Variants in ATP10D observed in about 807,000 individuals in gnomAD.
ATP10D encodes ATPase phospholipid transporting 10D (putative), also known as phospholipid-transporting ATPase VD.
ATP10D carries 89 observed loss-of-function variants against 144.8 expected under a neutral mutation model. The ratio of observed to expected loss-of-function variants is 0.61; its 90% CI spans 0.52 to 0.73. ATP10D has a LOEUF of 0.73. Ranked by LOEUF, ATP10D falls within the 30% of genes least tolerant of loss-of-function variation. The pLI is 0.00. For synonymous variants in ATP10D, 571 were observed against 615.1 expected (o/e 0.93, Z 1.06); for missense variants, 1,603 against 1,714.8 (o/e 0.93, Z 1.15).
Position 47,581,842 on chromosome 4 carries a change from C to T in ATP10D, c.3649-118C>T. ...AAATGTTCAAGTTTATTTCATATGGCCAGTTCACAGGGACCTTGTAGAAGG... is the reference window on the plus strand; with the variant it reads ...AAATGTTCAAGTTTATTTCATATGGTCAGTTCACAGGGACCTTGTAGAAGG... On this transcript the variant is annotated intron_variant, in intron 20 of 22. Coordinates refer to ENST00000273859, the MANE Select transcript of ATP10D (RefSeq NM_020453.4). The T allele has an allele frequency of 4.1e-6, 3 of 731,642 alleles. No homozygotes were observed. The South Asian group carries it at 5.2e-5, about 13-fold the overall frequency. The allele number at this position is 731,642 out of a possible 1,614,324, so 45.3% of individuals were successfully genotyped here. A position where few individuals can be genotyped will look rare whatever the true frequency, so the allele number is the denominator to read the frequency against.
chr4:47,490,477 C>T (rs1230037253), intron 1 of ATP10D, among the ~76,000 whole-genome samples: 1 of 152,192 alleles, frequency 6.6e-6, no homozygotes, highest in East Asian at 1.9e-4. Context: ...GCTTTCTGCT[C>T]CCAGATTGTC....
chr4:47,578,098 G>GT, intron 19 of ATP10D, among the ~76,000 whole-genome samples: 1 of 152,304 alleles, frequency 6.6e-6, no homozygotes, highest in African/African-American at 2.4e-5. Context: ...TGTACACGCT[G>GT]TTCTAGTGAG....
chr4:47,489,427 G>C (rs1483158555), intron 1 of ATP10D, among the ~76,000 whole-genome samples: 1 of 151,986 alleles, frequency 6.6e-6, no homozygotes, highest in East Asian at 1.9e-4. Flanking sequence ...CCAATTTATT[G>C]GTGGGGAATA....
intron 5 of ATP10D, among the ~76,000 whole-genome samples, chr4:47,534,831 A>G (rs1409565650): frequency 2.0e-5 from 3 of 152,162 alleles, no homozygotes; most frequent in East Asian, 3.8e-4. Context: ...CATTGAAAAT[A>G]ATGATAGTTG....
chr4:47,537,432 A>G (rs1281325144), intron 9 of ATP10D, among the ~76,000 whole-genome samples: 1 of 152,168 alleles, frequency 6.6e-6, no homozygotes, highest in Non-Finnish European at 1.5e-5. Flanking sequence ...TTCTTTAAAG[A>G]GTTGAACTTT....
At chr4:47,495,099 A>G (rs901876219) in intron 1 of ATP10D, among the ~76,000 whole-genome samples, 4 of 152,228 alleles carry the variant, frequency 2.6e-5, no homozygotes, top group Non-Finnish European at 4.4e-5. Flanking sequence ...GCTTCTTTGC[A>G]GGAACACACA....
At chr4:47,497,274 G>A (rs897151906) in intron 1 of ATP10D, among the ~76,000 whole-genome samples, 1 of 152,002 alleles carries the variant, frequency 6.6e-6, no homozygotes, top group African/African-American at 2.4e-5. Context: ...TGACCAACGT[G>A]GAGAAATCCC....
At chr4:47,508,810 A>G (rs529698693) in intron 1 of ATP10D, among the ~76,000 whole-genome samples, 1 of 152,364 alleles carries the variant, frequency 6.6e-6, no homozygotes, top group South Asian at 2.1e-4. Context: ...AAACAAAACC[A>G]TGTGCTTGCC....
chr4:47,513,751 C>T (rs140258496), intron 2 of ATP10D, among the ~76,000 whole-genome samples: 25 of 152,270 alleles, frequency 1.6e-4, no homozygotes, highest in Non-Finnish European at 2.9e-4. Context: ...GTCTTGCTAT[C>T]AGGATAAAGA....
chr4:47,515,778 T>G lies in ATP10D; in HGVS notation c.485+108T>G, dbSNP rs1025755917. On this transcript the variant is annotated intron_variant, in intron 3 of 22. Coordinates refer to ENST00000273859, the MANE Select transcript of ATP10D (RefSeq NM_020453.4). Reference sequence around the variant, plus strand: ...TGACCAGGACCCTTTTGTGGTGGTGTTGGTGTTGTTGCTATTGTTTTCAAC... The same window carrying G: ...TGACCAGGACCCTTTTGTGGTGGTGGTGGTGTTGTTGCTATTGTTTTCAAC... 1.6e-5 allele frequency: 13 copies of G among 813,212 alleles called. No homozygotes were observed. The East Asian group carries it at 3.2e-4, about 20-fold the overall frequency. 50.4% of individuals were successfully genotyped at this position (813,212 alleles called of 1,614,324 possible).
chr4:47,572,625 A>T (rs943138931), intron 17 of ATP10D, among the ~76,000 whole-genome samples: 3 of 139,552 alleles, frequency 2.1e-5, no homozygotes, highest in African/African-American at 8.2e-5. Flanking sequence ...AGGAAGTGGG[A>T]GTGTCCTATT....
intron 1 of ATP10D, among the ~76,000 whole-genome samples, chr4:47,507,043 A>G (rs1344062309): frequency 2.6e-5 from 4 of 152,224 alleles, no homozygotes; most frequent in African/African-American, 9.6e-5. Context: ...TTAAATGAAG[A>G]GCAGACTTAC....
rs533088151 is a variant in ATP10D at position 47,565,035 on chromosome 4, T to C, written c.2853+1270T>C. Among the ~76,000 whole-genome samples the C allele has an allele frequency of 3.9e-5, 6 of 152,376 alleles. No individual in the cohort carries two copies. In the East Asian group the frequency reaches 9.6e-4, roughly 25 times the overall value. Reference sequence around the variant, plus strand: ...GCGCTATGGCGCGATCTCGGCTCACTGCAAGCTCCGCCTCCCGGGTTCACG... The same window carrying C: ...GCGCTATGGCGCGATCTCGGCTCACCGCAAGCTCCGCCTCCCGGGTTCACG... On this transcript the variant is annotated intron_variant, in intron 15 of 22. Transcript: ENST00000273859.
chr4:47,590,942 C>A (rs1465282949), intron 22 of ATP10D, 100 bp from the exon 23 acceptor site: 7 of 901,554 alleles, frequency 7.8e-6, no homozygotes, highest in Non-Finnish European at 1.1e-5. Flanking sequence ...CAAGTGGCCA[C>A]CAGACCCTTT....
intron 3 of ATP10D, among the ~76,000 whole-genome samples, chr4:47,520,548 T>G (rs2109407667): frequency 6.6e-6 from 1 of 152,204 alleles, no homozygotes; most frequent in African/African-American, 2.4e-5. Context: ...AATATTCTAC[T>G]TCGGTAACTT....
At chr4:47,524,269 C>T (rs958928520) in intron 4 of ATP10D, among the ~76,000 whole-genome samples, 12 of 151,974 alleles carry the variant, frequency 7.9e-5, no homozygotes, top group Non-Finnish European at 1.3e-4. Context: ...AGGGTTACTC[C>T]GTCTTACACT....
At chr4:47,582,716 C>T (rs1292845921) in intron 21 of ATP10D, among the ~76,000 whole-genome samples, 1 of 152,180 alleles carries the variant, frequency 6.6e-6, no homozygotes, top group Non-Finnish European at 1.5e-5. Context: ...CTGCACTTCA[C>T]CCAGCGCAAA....
intron 1 of ATP10D, among the ~76,000 whole-genome samples, chr4:47,506,640 A>T (rs1013398366): frequency 6.6e-6 from 1 of 152,226 alleles, no homozygotes; most frequent in Admixed American, 6.5e-5. Flanking sequence ...CAATACCTCT[A>T]AGGACAGCAG....
In ATP10D at chr4:47,546,768, C is replaced by T; in HGVS notation, c.1541C>T (p.Ser514Leu). ...VHNGPLGNKP[S>L]NHLAGSSFTL... The stretch of plus-strand genomic sequence containing the variant: ...AATGGGCCTTTGGGAAATAAGCCCT[C>T]AAATCATCTTGCTGGGAGCTCTTTT... Residue 514 changes from serine (S) to leucine (L), a missense_variant, in exon 10 of 23, where the codon TCA becomes TTA. Transcript: ENST00000273859. 6.2e-7 allele frequency: 1 copy of T among 1,614,024 alleles called. No homozygotes were observed. Among genetic ancestry groups the T allele is most frequent in the Non-Finnish European group, 8.5e-7 (1 of 1,179,984 alleles).
Sources: allele counts gnomAD v4.1 joint callset (sites outside exome capture counted in the v4.1 genomes callset), GRCh38; gene constraint gnomAD v4.1.1; transcripts MANE v1.5; gene names NCBI Gene and HGNC (gene_info 2026-07-23, HGNC 2026-07-21).